GCNT2: variants seen among roughly 807,000 people sequenced by gnomAD.
The protein encoded by GCNT2 is N-acetyllactosaminide beta-1,6-N-acetylglucosaminyl-transferase.
GCNT2 carries 34 observed loss-of-function variants against 34.2 expected under a neutral mutation model. That is an observed-to-expected ratio of 1.00 (90% CI 0.76 to 1.32). The LOEUF (loss-of-function observed/expected upper bound fraction) is 1.32, where lower values mean the gene tolerates loss of function less well. GCNT2 is among the 40% of genes most tolerant of loss of function. The pLI, the probability that GCNT2 is intolerant of heterozygous loss-of-function variation, is 0.00. For synonymous variants in GCNT2, 212 were observed against 188.0 expected (o/e 1.13, Z -1.04); for missense variants, 584 against 489.4 (o/e 1.19, Z -1.82).
At chr6:10,531,479 T>A (rs940278982) in intron 3 of GCNT2, among the ~76,000 whole-genome samples, 3 of 152,188 alleles carry the variant, frequency 2.0e-5, no homozygotes, top group Non-Finnish European at 4.4e-5. Context: ...GTTTCCCTCC[T>A]TGGGGCAAGA....
chr6:10,610,663 A>G (rs1355039912), intron 3 of GCNT2, among the ~76,000 whole-genome samples: 2 of 152,168 alleles, frequency 1.3e-5, no homozygotes, highest in African/African-American at 4.8e-5. Context: ...AAACCCCAAG[A>G]ATATCCCATT....
intron 3 of GCNT2, among the ~76,000 whole-genome samples, chr6:10,611,558 T>C (rs571592913): frequency 6.6e-6 from 1 of 152,122 alleles, no homozygotes; most frequent in Non-Finnish European, 1.5e-5. Context: ...CTCGATCTCT[T>C]GATCTCGTGG....
rs9393370 is a variant in GCNT2, at chr6:10,542,496, A to G, written c.925+12660A>G. 3.8e-3 allele frequency among the ~76,000 whole-genome samples: 582 copies of G among 152,328 alleles called. 20 individuals are homozygous for G. The East Asian group carries it at 0.09, about 23-fold the overall frequency. On this transcript the variant is annotated intron_variant, in intron 3 of 4. Coordinates refer to ENST00000495262, the MANE Select transcript of GCNT2 (RefSeq NM_145649.5). ...GCTAATGTAGAATCATTTTATTACTACACAAAGAAACCTCATGACCACTTC... is the reference window on the plus strand; with the variant it reads ...GCTAATGTAGAATCATTTTATTACTGCACAAAGAAACCTCATGACCACTTC...
At chr6:10,542,420 T>C (rs1033418235) in intron 3 of GCNT2, among the ~76,000 whole-genome samples, 6 of 150,664 alleles carry the variant, frequency 4.0e-5, no homozygotes, top group African/African-American at 7.4e-5. Context: ...CACTTTTGTG[T>C]ACAATGTAAT....
chr6:10,620,837 C>A (rs1005571425), intron 3 of GCNT2, among the ~76,000 whole-genome samples: 1 of 152,130 alleles, frequency 6.6e-6, no homozygotes, highest in Non-Finnish European at 1.5e-5. Context: ...TGATTTTGCT[C>A]ACCCACAGGA....
chr6:10,589,329 TTGTAG>T (rs1764532463), intron 3 of GCNT2, among the ~76,000 whole-genome samples: 1 of 115,810 alleles, frequency 8.6e-6, no homozygotes, highest in Non-Finnish European at 2.1e-5. Context: ...TGTGGTGTGT[TTGTAG>T]TGTGTGTGTA....
chr6:10,608,240 G>T (rs1765409158), intron 3 of GCNT2, among the ~76,000 whole-genome samples: 2 of 151,996 alleles, frequency 1.3e-5, no homozygotes, highest in South Asian at 2.1e-4. Flanking sequence ...ACTACGCCTG[G>T]CTAATTTTGT....
At chr6:10,561,161 T>C (rs1189430400) in intron 3 of GCNT2, among the ~76,000 whole-genome samples, 1 of 152,168 alleles carries the variant, frequency 6.6e-6, no homozygotes, top group East Asian at 1.9e-4. Context: ...TTCAGAATTT[T>C]CTTTTCTTTT....
intron 3 of GCNT2, among the ~76,000 whole-genome samples, chr6:10,600,660 G>T (rs1391817441): frequency 2.6e-5 from 4 of 152,196 alleles, no homozygotes; most frequent in Non-Finnish European, 5.9e-5. Context: ...TGAGGGCTGA[G>T]AAAGCGCTGC....
chr6:10,588,178 A>T (rs1447219296), intron 3 of GCNT2, among the ~76,000 whole-genome samples: 2 of 152,198 alleles, frequency 1.3e-5, no homozygotes, highest in African/African-American at 4.8e-5. Flanking sequence ...ATGCTGTCTC[A>T]TGCGCAATTT....
chr6:10,547,056 C>A (rs1762304380), intron 3 of GCNT2, among the ~76,000 whole-genome samples: 1 of 152,086 alleles, frequency 6.6e-6, no homozygotes, highest in South Asian at 2.1e-4. Context: ...TAAACTAGTT[C>A]AAACTTACTA....
chr6:10,539,178 C>CTTTTT (rs1165356992), intron 3 of GCNT2, among the ~76,000 whole-genome samples: 2 of 69,452 alleles, frequency 2.9e-5, no homozygotes, highest in Admixed American at 1.4e-4. Context: ...AGCTCACCGT[C>CTTTTT]TCTTTTTTTT....
chr6:10,540,638 G>C (rs1761999552), intron 3 of GCNT2, among the ~76,000 whole-genome samples: 2 of 152,136 alleles, frequency 1.3e-5, no homozygotes, highest in African/African-American at 4.8e-5. Flanking sequence ...CACTGAGTGG[G>C]CTTCCAATAT....
intron 3 of GCNT2, among the ~76,000 whole-genome samples, chr6:10,551,212 T>A (rs1177394269): frequency 6.6e-6 from 1 of 152,164 alleles, no homozygotes; most frequent in Non-Finnish European, 1.5e-5. Flanking sequence ...AAATACTTTG[T>A]ATACTGTCTT....
chr6:10,614,176 T>C (rs1353966254), intron 3 of GCNT2, among the ~76,000 whole-genome samples: 1 of 152,214 alleles, frequency 6.6e-6, no homozygotes, highest in East Asian at 1.9e-4. Flanking sequence ...TGATGCTTAC[T>C]AGGTATTCAA....
intron 3 of GCNT2, among the ~76,000 whole-genome samples, chr6:10,616,749 G>A (rs948682051): frequency 6.6e-6 from 1 of 152,138 alleles, no homozygotes; most frequent in Admixed American, 6.5e-5. Context: ...GGTAGATACA[G>A]AGTGCTGATT....
At position 10,627,878 on chromosome 6, in the gene GCNT2, G is replaced by A. The variant is rs1176621185; in HGVS notation, c.*1271G>A. The A allele has an allele frequency of 1.3e-5, 2 of 152,396 alleles. No homozygotes were observed. Among genetic ancestry groups the A allele is most frequent in the African/African-American group, 2.4e-5 (1 of 41,446 alleles). 9.4% of individuals were successfully genotyped at this position (152,396 alleles called of 1,614,324 possible). ...TCAGAGATTATTCAACAGAGAGGGA[G>A]AAAGGAGGAGACAGAGGGAGGACCT... On this transcript the variant is annotated 3_prime_UTR_variant, in exon 5 of 5. Coordinates refer to ENST00000495262, the MANE Select transcript of GCNT2 (RefSeq NM_145649.5).
chr6:10,538,437 A>AAAAAAT (rs1554127249), intron 3 of GCNT2, among the ~76,000 whole-genome samples: 19 of 73,334 alleles, frequency 2.6e-4, no homozygotes, highest in South Asian at 3.9e-4. Flanking sequence ...AAAAAAAAAA[A>AAAAAAT]ATATATATAT....
At chr6:10,581,798 C>G in intron 3 of GCNT2, 2 of 985,088 alleles carry the variant, frequency 2.0e-6, no homozygotes, top group Non-Finnish European at 2.4e-6. Context: ...CTCCAACTTT[C>G]CCCTTCTGTT....
Sources: allele counts gnomAD v4.1 joint callset (sites outside exome capture counted in the v4.1 genomes callset), GRCh38; gene constraint gnomAD v4.1.1; transcripts MANE v1.5; gene names NCBI Gene and HGNC (gene_info 2026-07-23, HGNC 2026-07-21).